Variants in LRP6 observed in about 807,000 individuals in gnomAD.
The protein encoded by LRP6 is low-density lipoprotein receptor-related protein 6.
A neutral mutation model predicts 184.1 loss-of-function variants in LRP6; 43 were observed. The ratio of observed to expected loss-of-function variants is 0.23; its 90% CI spans 0.18 to 0.30. The LOEUF (loss-of-function observed/expected upper bound fraction) is 0.30. LRP6 is among the 10% of genes least tolerant of loss of function. LRP6 has a pLI of 1.00. For missense variants in LRP6, 1,571 were observed against 2,005.3 expected (o/e 0.78, Z 4.14); for synonymous variants, 719 against 684.9 (o/e 1.05, Z -0.78).
At chr12:12,137,035 T>G (rs1949850866) in intron 16 of LRP6, among the ~76,000 whole-genome samples, 1 of 152,200 alleles carries the variant, frequency 6.6e-6, no homozygotes, top group South Asian at 2.1e-4. Context: ...TACCATAAAA[T>G]GACAACAATT....
At chr12:12,134,650 A>G (rs1307552600) in intron 17 of LRP6, among the ~76,000 whole-genome samples, 2 of 152,220 alleles carry the variant, frequency 1.3e-5, no homozygotes, top group Non-Finnish European at 2.9e-5. Flanking sequence ...TCCATCAGAC[A>G]CATTCCCAAC....
chr12:12,225,638 G>A (rs538722862), intron 2 of LRP6, among the ~76,000 whole-genome samples: 5 of 152,164 alleles, frequency 3.3e-5, no homozygotes, highest in South Asian at 4.2e-4. Flanking sequence ...TTGAGAGGCC[G>A]AGGCAGGTGG....
chr12:12,183,858 C>CT, intron 5 of LRP6, 122 bp downstream of exon 5: 1 of 820,416 alleles, frequency 1.2e-6, no homozygotes, highest in South Asian at 1.5e-5. Context: ...TGTGTGAAGA[C>CT]TGTGAAATTA....
At chr12:12,262,557 C>CA (rs57218812) in intron 1 of LRP6, among the ~76,000 whole-genome samples, 4,481 of 74,008 alleles carry the variant, frequency 0.061, 122 homozygotes, top group Non-Finnish European at 0.076. Flanking sequence ...GACTCCGTCT[C>CA]AAAAAAAAAA....
At chr12:12,205,888 A>G (rs557330673) in intron 2 of LRP6, among the ~76,000 whole-genome samples, 1 of 152,360 alleles carries the variant, frequency 6.6e-6, no homozygotes, top group East Asian at 1.9e-4. Flanking sequence ...AATACAGGAT[A>G]AAACTGTGGC....
In LRP6 at chr12:12,164,323, C is replaced by T; in HGVS notation, c.2002G>A (p.Asp668Asn). The part of the protein sequence containing the change: ...LTGVKEASAL[D>N]FDVTDNRIYW... Reference sequence around the variant, plus strand: ...ATTCGGTTGTCTGTCACATCAAAATCCAAAGCAGAAGCTTCTTTGACACCA... The same window carrying T: ...ATTCGGTTGTCTGTCACATCAAAATTCAAAGCAGAAGCTTCTTTGACACCA... The change falls in exon 9 of 23, where the codon GAT becomes AAT. Residue 668 changes from aspartate (D) to asparagine (N), a missense_variant. Transcript: ENST00000261349. 1 of 1,614,098 alleles carries T rather than the reference C, an allele frequency of 6.2e-7. No individual in the cohort carries two copies. Among genetic ancestry groups the T allele is most frequent in the Non-Finnish European group, 8.5e-7 (1 of 1,180,010 alleles).
intron 2 of LRP6, among the ~76,000 whole-genome samples, chr12:12,239,813 CTG>C (rs60233382): frequency 0.049 from 7,377 of 151,982 alleles, 203 homozygotes; most frequent in Middle Eastern, 0.16. Flanking sequence ...TATTAAAATA[CTG>C]TGTTATGTAA....
At chr12:12,173,970 T>C (rs1168456202) in intron 7 of LRP6, among the ~76,000 whole-genome samples, 2 of 152,184 alleles carry the variant, frequency 1.3e-5, no homozygotes, top group Non-Finnish European at 2.9e-5. Context: ...TCTTCTCTGA[T>C]CATATGTTAT....
chr12:12,165,021 A>C, intron 8 of LRP6, 58 bp downstream of exon 8: 1 of 1,353,566 alleles, frequency 7.4e-7, no homozygotes, highest in South Asian at 1.2e-5. Context: ...ACTGCTGACT[A>C]TCTCCATCTT....
intron 19 of LRP6, 57 bp from the exon 20 acceptor site, chr12:12,126,978 T>C (rs552911118): frequency 7.2e-7 from 1 of 1,390,610 alleles, no homozygotes; most frequent in East Asian, 2.3e-5. Flanking sequence ...ATATTCAAAA[T>C]AGTAATCAAA....
chr12:12,166,739 T>C (rs1007505098), intron 7 of LRP6, among the ~76,000 whole-genome samples: 7 of 152,230 alleles, frequency 4.6e-5, no homozygotes, highest in African/African-American at 1.7e-4. Context: ...TATATCACTT[T>C]CCAACATTTT....
In LRP6 at chr12:12,150,680, G is replaced by A. The variant is rs187528451; in HGVS notation, c.2994+156C>T. Among the ~76,000 whole-genome samples, 75 of 152,126 alleles carry A rather than the reference G, an allele frequency of 4.9e-4. 1 individual carries two copies. Among genetic ancestry groups the A allele is most frequent in the East Asian group, 1.2e-3 (6 of 5,182 alleles). Reference sequence around the variant, plus strand: ...CAAACAATTGCTTACTCAAAATATCGTCAGAAGGAAAAAATAAGCTACTAG... The same window carrying A: ...CAAACAATTGCTTACTCAAAATATCATCAGAAGGAAAAAATAAGCTACTAG... On this transcript the variant is annotated intron_variant, in intron 13 of 22. Transcript: ENST00000261349.
At chr12:12,163,986 T>C (rs1003478687) in intron 9 of LRP6, among the ~76,000 whole-genome samples, 3 of 152,042 alleles carry the variant, frequency 2.0e-5, no homozygotes, top group Non-Finnish European at 2.9e-5. Context: ...AAAAATTAGC[T>C]GGGCGTCGTG....
chr12:12,128,054 A>G (rs1044800415), intron 19 of LRP6, among the ~76,000 whole-genome samples: 1 of 152,054 alleles, frequency 6.6e-6, no homozygotes, highest in African/African-American at 2.4e-5. Flanking sequence ...GTTTACATTC[A>G]CTACCCTCAA....
intron 7 of LRP6, among the ~76,000 whole-genome samples, chr12:12,166,003 A>AGTGCATTCACC (rs1862869265): frequency 6.6e-6 from 1 of 152,210 alleles, no homozygotes; most frequent in Admixed American, 6.5e-5. Context: ...CTGTATTCAC[A>AGTGCATTCACC]GTGCATTCAC....
Position 12,120,019 on chromosome 12 carries a change from A to G in LRP6, c.*1107T>C, listed in dbSNP as rs1354567682. On this transcript the variant is annotated 3_prime_UTR_variant, in exon 23 of 23. Coordinates refer to ENST00000261349, the MANE Select transcript of LRP6 (RefSeq NM_002336.3). ...TATATATATATATATATATATATAT[A>G]TATATATATATATATATATATATAA... is the stretch of plus-strand genomic sequence containing the variant. 9.3e-6 allele frequency: 1 copy of G among 108,084 alleles called. No homozygotes were observed. The highest frequency in any genetic ancestry group is 2.1e-5 in the Non-Finnish European group (1 of 47,344). 6.7% of individuals were successfully genotyped at this position (108,084 alleles called of 1,614,324 possible).
chr12:12,145,196 A>T lies in LRP6; in HGVS notation c.3397+2170T>A, dbSNP rs563296586. On this transcript the variant is annotated intron_variant, in intron 15 of 22. Transcript: ENST00000261349. ...AAAAAAAAATTAGAGGTGATATAAG[A>T]GACAGAGGAGATCAGATGAGGGAAA... 2.0e-4 allele frequency among the ~76,000 whole-genome samples: 30 copies of T among 152,240 alleles called. No individual in the cohort carries two copies. In the South Asian group the frequency reaches 5.8e-3, roughly 29 times the overall value.
At position 12,119,997 on chromosome 12, in the gene LRP6, A is replaced by T. The variant is rs1319144087; in HGVS notation, c.*1129T>A. 6 of 35,382 alleles carry T rather than the reference A, an allele frequency of 1.7e-4. No homozygotes were observed. Among genetic ancestry groups the T allele is most frequent in the East Asian group, 1.5e-3 (1 of 682 alleles). 2.2% of individuals were successfully genotyped at this position (35,382 alleles called of 1,614,324 possible). A position where few individuals can be genotyped will look rare whatever the true frequency, so the allele number is the denominator to read the frequency against. On this transcript the variant is annotated 3_prime_UTR_variant, in exon 23 of 23. Transcript: ENST00000261349. ...AAACAAACAAACAAACAAAATATAT[A>T]TATATATATATATATATATATATAT...
At chr12:12,133,721 A>T (rs1343883007) in intron 17 of LRP6, among the ~76,000 whole-genome samples, 1 of 152,030 alleles carries the variant, frequency 6.6e-6, no homozygotes, top group African/African-American at 2.4e-5. Context: ...GATATTTTCA[A>T]ACTGGAAGAT....
Sources: allele counts gnomAD v4.1 joint callset (sites outside exome capture counted in the v4.1 genomes callset), GRCh38; gene constraint gnomAD v4.1.1; transcripts MANE v1.5; gene names NCBI Gene and HGNC (gene_info 2026-07-23, HGNC 2026-07-21).